Variants in NFXL1 observed in about 807,000 individuals in gnomAD.
NFXL1 encodes the protein nuclear transcription factor, X-box binding like 1, also known as NF-X1-type zinc finger protein NFXL1.
In NFXL1, 66 loss-of-function variants were observed where a neutral mutation model predicts 123.3. The ratio of observed to expected loss-of-function variants is 0.54; its 90% CI spans 0.44 to 0.66. The LOEUF (loss-of-function observed/expected upper bound fraction) is 0.66. NFXL1 is among the 30% of genes least tolerant of loss of function. The probability of loss-of-function intolerance (pLI) is 0.00; values close to 1 mark genes in which losing one functional copy is unlikely to be tolerated. For synonymous variants in NFXL1, 346 were observed against 360.8 expected (o/e 0.96, Z 0.46); for missense variants, 944 against 1,125.6 (o/e 0.84, Z 2.31).
In NFXL1 at chr4:47,914,455, A is replaced by G. The variant is rs1738013318; in HGVS notation, c.-93T>C. The G allele has an allele frequency of 2.3e-6, 1 of 441,178 alleles. No individual in the cohort carries two copies. Among genetic ancestry groups the G allele is most frequent in the Non-Finnish European group, 4.0e-6 (1 of 247,188 alleles). 27.3% of individuals were successfully genotyped at this position (441,178 alleles called of 1,614,324 possible). A position where few individuals can be genotyped will look rare whatever the true frequency, so the allele number is the denominator to read the frequency against. ...TACAGAAATAAACCGCGGAGCAAGA[A>G]GCACACAGTGCCGAAGACAGAAAGC... On this transcript the variant is annotated 5_prime_UTR_variant, in exon 1 of 23. Coordinates refer to ENST00000507489, the MANE Select transcript of NFXL1 (RefSeq NM_001278624.2).
chr4:47,881,786 C>T (rs894827900), intron 15 of NFXL1, among the ~76,000 whole-genome samples: 2 of 152,066 alleles, frequency 1.3e-5, no homozygotes, highest in African/African-American at 4.8e-5. Flanking sequence ...TCTGAAAATG[C>T]TATACACTGT....
At chr4:47,911,054 T>C (rs1416988932) in intron 2 of NFXL1, 60 bp from the exon 3 acceptor site, 5 of 949,600 alleles carry the variant, frequency 5.3e-6, no homozygotes, top group Non-Finnish European at 7.7e-6. Context: ...AAAAGCATAA[T>C]GTGCTAATAT....
At chr4:47,850,132 G>A (rs1364032787) in intron 22 of NFXL1, among the ~76,000 whole-genome samples, 1 of 151,960 alleles carries the variant, frequency 6.6e-6, no homozygotes, top group Non-Finnish European at 1.5e-5. Context: ...AAGGGAATAA[G>A]GAGAAAACAT....
At chr4:47,896,233 C>G (rs1737077933) in intron 10 of NFXL1, among the ~76,000 whole-genome samples, 2 of 152,108 alleles carry the variant, frequency 1.3e-5, no homozygotes, top group Admixed American at 6.5e-5. Context: ...GATACATGAG[C>G]ACATACTGTT....
At chr4:47,872,169 T>G (rs1191349585) in intron 18 of NFXL1, among the ~76,000 whole-genome samples, 1 of 152,146 alleles carries the variant, frequency 6.6e-6, no homozygotes, top group Non-Finnish European at 1.5e-5. Flanking sequence ...AACTTAAAAA[T>G]TATGCTTAAG....
intron 3 of NFXL1, among the ~76,000 whole-genome samples, chr4:47,910,279 A>T (rs1462788113): frequency 6.6e-6 from 1 of 152,154 alleles, no homozygotes; most frequent in African/African-American, 2.4e-5. Flanking sequence ...GGAGTTGAAG[A>T]CTGCAGTGAA....
intron 15 of NFXL1, among the ~76,000 whole-genome samples, chr4:47,880,514 G>C (rs777108088): frequency 1.3e-5 from 2 of 149,002 alleles, no homozygotes; most frequent in Non-Finnish European, 3.0e-5. Context: ...TAAAGGACTT[G>C]TCTTCAAAAT....
At chr4:47,865,533 C>T (rs190451947) in intron 18 of NFXL1, among the ~76,000 whole-genome samples, 101 of 149,044 alleles carry the variant, frequency 6.8e-4, no homozygotes, top group African/African-American at 2.4e-3. Flanking sequence ...TTCAAGCTCC[C>T]AATGCAAGTA....
At chr4:47,908,960 A>C (rs1050419885) in intron 3 of NFXL1, among the ~76,000 whole-genome samples, 6 of 151,348 alleles carry the variant, frequency 4.0e-5, no homozygotes, top group Non-Finnish European at 7.4e-5. Context: ...GTCGCAAAAA[A>C]AAAAAAAAAA....
At chr4:47,868,388 A>AT (rs1735232306) in intron 18 of NFXL1, among the ~76,000 whole-genome samples, 1 of 151,794 alleles carries the variant, frequency 6.6e-6, no homozygotes. Flanking sequence ...TATAAATGTC[A>AT]TATGTTCTGA....
intron 20 of NFXL1, among the ~76,000 whole-genome samples, chr4:47,854,668 C>T (rs1734298008): frequency 1.3e-5 from 2 of 151,962 alleles, no homozygotes; most frequent in South Asian, 4.1e-4. Context: ...TCATAAATAA[C>T]AGCAACAAAG....
intron 8 of NFXL1, among the ~76,000 whole-genome samples, chr4:47,898,320 A>G (rs6826190): frequency 0.83 from 125,656 of 152,078 alleles, 52,139 homozygotes; most frequent in East Asian, 0.98. Context: ...AGTACAATAC[A>G]GAAAAAAACT....
chr4:47,851,252 A>C lies in NFXL1; in HGVS notation c.2509-104T>G, dbSNP rs1560577556. The C allele has an allele frequency of 9.2e-6, 7 of 761,796 alleles. No homozygotes were observed. In the East Asian group the frequency reaches 1.6e-4, roughly 17 times the overall value. 47.2% of individuals were successfully genotyped at this position (761,796 alleles called of 1,614,324 possible). The stretch of plus-strand genomic sequence containing the variant: ...GTTCTATTAACCCATATCAACTTTT[A>C]GGAGCTTGAAATCATTTAAAGAAAT... On this transcript the variant is annotated intron_variant, in intron 21 of 22. Transcript: ENST00000507489.
chr4:47,899,163 T>G, intron 6 of NFXL1, 43 bp from the exon 7 acceptor site: 1 of 1,290,240 alleles, frequency 7.8e-7, no homozygotes, highest in African/African-American at 1.6e-5. Context: ...AAAAAAAATC[T>G]AAAGTCAGAA....
intron 5 of NFXL1, among the ~76,000 whole-genome samples, chr4:47,902,088 G>A (rs185726888): frequency 3.3e-5 from 5 of 152,114 alleles, no homozygotes; most frequent in South Asian, 2.1e-4. Flanking sequence ...AGGCTGAGAC[G>A]GGAGAATCGC....
At chr4:47,912,756 A>G (rs1737899275) in intron 2 of NFXL1, among the ~76,000 whole-genome samples, 1 of 142,576 alleles carries the variant, frequency 7.0e-6, no homozygotes, top group Non-Finnish European at 1.5e-5. Flanking sequence ...CCGCGCCCGG[A>G]CAGAATGCTT....
chr4:47,910,770 T>G (rs1175472055), intron 3 of NFXL1, 54 bp downstream of exon 3: 3 of 1,156,348 alleles, frequency 2.6e-6, no homozygotes, highest in Admixed American at 5.2e-5. Flanking sequence ...ACCAAAAAAA[T>G]GTCAGGAATA....
intron 18 of NFXL1, among the ~76,000 whole-genome samples, chr4:47,873,695 T>C (rs1486295254): frequency 6.6e-6 from 1 of 152,230 alleles, no homozygotes. Context: ...GTGAGAATGG[T>C]AAATGAGTAC....
At chr4:47,854,994 G>T in intron 20 of NFXL1, 65 bp downstream of exon 20, 16 of 487,828 alleles carry the variant, frequency 3.3e-5, no homozygotes, top group Non-Finnish European at 4.6e-5. Context: ...CAAAAAACAA[G>T]AACAAGAAAA....
Sources: gnomAD v4.1 joint callset for allele counts (sites outside exome capture counted in the v4.1 genomes callset) on GRCh38, gnomAD v4.1.1 for gene constraint, MANE v1.5 for transcripts, NCBI Gene and HGNC (gene_info 2026-07-23, HGNC 2026-07-21) for gene names.